LAMA2: variants seen among roughly 807,000 people sequenced by gnomAD.
LAMA2 encodes the protein laminin subunit alpha 2, also known as laminin subunit alpha-2.
LAMA2 carries 269 observed loss-of-function variants against 364.8 expected under a neutral mutation model. The ratio of observed to expected loss-of-function variants is 0.74; its 90% confidence interval spans 0.67 to 0.82. LAMA2 has a LOEUF of 0.82. LAMA2 is among the 40% of genes least tolerant of loss of function. The pLI is 0.00. For missense variants in LAMA2, 3,807 were observed against 3,873.2 expected (o/e 0.98, Z 0.45); for synonymous variants, 1,379 against 1,370.6 (o/e 1.01, Z -0.14).
intron 3 of LAMA2, among the ~76,000 whole-genome samples, chr6:129,068,703 C>T (rs553873794): frequency 1.5e-4 from 23 of 152,312 alleles, no homozygotes; most frequent in Admixed American, 3.9e-4. Context: ...CATGTTCTTA[C>T]TCTGCTTTTA....
intron 23 of LAMA2, among the ~76,000 whole-genome samples, chr6:129,313,313 A>G (rs932905895): frequency 2.6e-5 from 4 of 151,900 alleles, no homozygotes; most frequent in African/African-American, 9.7e-5. Flanking sequence ...ACCCAAACCC[A>G]CCTTTTTTTC....
chr6:129,443,379 T>C (rs1333534478), intron 44 of LAMA2, among the ~76,000 whole-genome samples: 1 of 152,164 alleles, frequency 6.6e-6, no homozygotes, highest in Non-Finnish European at 1.5e-5. Context: ...GGCCAGAAGT[T>C]TGAGATCAGC....
At chr6:129,227,316 C>T (rs1784364905) in intron 12 of LAMA2, among the ~76,000 whole-genome samples, 1 of 152,142 alleles carries the variant, frequency 6.6e-6, no homozygotes, top group Non-Finnish European at 1.5e-5. Flanking sequence ...CGTCTGAAGC[C>T]TTCTTCTCTC....
chr6:129,243,125 T>C (rs768553205), intron 12 of LAMA2, among the ~76,000 whole-genome samples: 2 of 152,110 alleles, frequency 1.3e-5, no homozygotes, highest in African/African-American at 2.4e-5. Context: ...CTCCTAATTG[T>C]CTGGTTTTCA....
chr6:129,361,945 G>A (rs1777487325), intron 32 of LAMA2, among the ~76,000 whole-genome samples: 2 of 151,684 alleles, frequency 1.3e-5, no homozygotes, highest in South Asian at 2.1e-4. Flanking sequence ...CACCACACCT[G>A]GCTAATTTTT....
intron 62 of LAMA2, among the ~76,000 whole-genome samples, chr6:129,508,763 C>A (rs938012823): frequency 6.6e-6 from 1 of 152,170 alleles, no homozygotes; most frequent in African/African-American, 2.4e-5. Flanking sequence ...TTTATCCGTT[C>A]ATCTGCTGAT....
intron 1 of LAMA2, among the ~76,000 whole-genome samples, chr6:128,928,545 A>G (rs1311996316): frequency 1.3e-5 from 2 of 152,210 alleles, no homozygotes; most frequent in African/African-American, 4.8e-5. Context: ...ATGTGCCCAT[A>G]AAGCCGTTCA....
At chr6:128,986,477 T>C (rs1783246220) in intron 1 of LAMA2, among the ~76,000 whole-genome samples, 1 of 152,216 alleles carries the variant, frequency 6.6e-6, no homozygotes, top group Non-Finnish European at 1.5e-5. Flanking sequence ...TATTCTGACA[T>C]GCCCATTTAG....
chr6:129,351,805 A>G (rs1776866880), intron 31 of LAMA2, among the ~76,000 whole-genome samples: 1 of 152,208 alleles, frequency 6.6e-6, no homozygotes, highest in Admixed American at 6.5e-5. Flanking sequence ...AAGCCATTTA[A>G]GTGGACTTAC....
At chr6:129,086,161 AT>A (rs1440414777) in intron 3 of LAMA2, among the ~76,000 whole-genome samples, 1 of 152,224 alleles carries the variant, frequency 6.6e-6, no homozygotes, top group Admixed American at 6.5e-5. Context: ...TGATTTAGAA[AT>A]ATTTAAGATT....
chr6:129,095,086 A>G (rs773560791), intron 3 of LAMA2, among the ~76,000 whole-genome samples: 1 of 152,250 alleles, frequency 6.6e-6, no homozygotes. Context: ...GAAGAATTAT[A>G]ATAAGGAATA....
chr6:129,035,276 A>G (rs999252039), intron 1 of LAMA2, among the ~76,000 whole-genome samples: 2 of 144,584 alleles, frequency 1.4e-5, no homozygotes, highest in South Asian at 2.2e-4. Flanking sequence ...GGCCACTTGT[A>G]TGTCTTTTTC....
intron 1 of LAMA2, among the ~76,000 whole-genome samples, chr6:128,978,051 A>G (rs1271656884): frequency 6.6e-6 from 1 of 152,202 alleles, no homozygotes; most frequent in Non-Finnish European, 1.5e-5. Context: ...ATTGTATAAG[A>G]GAAGATAAGT....
intron 9 of LAMA2, among the ~76,000 whole-genome samples, chr6:129,172,515 G>A (rs1011384528): frequency 1.3e-5 from 2 of 152,218 alleles, no homozygotes; most frequent in African/African-American, 4.8e-5. Context: ...ACCCACTTGA[G>A]GAGGCAGTCT....
In LAMA2 at chr6:129,283,354, G is replaced by A. The variant is rs569930230; in HGVS notation, c.2537+3207G>A. 1.0e-3 allele frequency among the ~76,000 whole-genome samples: 157 copies of A among 152,062 alleles called. 4 individuals carry two copies. The South Asian group carries it at 0.03, about 29-fold the overall frequency. On this transcript the variant is annotated intron_variant, in intron 18 of 64. Transcript: ENST00000421865. ...AAATGCTGAGGATACCTGCCTGATC[G>A]GACACTAAGTTACTTTCAGAATAAG...
chr6:128,967,545 T>C (rs902244827), intron 1 of LAMA2, among the ~76,000 whole-genome samples: 7 of 152,134 alleles, frequency 4.6e-5, no homozygotes, highest in Non-Finnish European at 1.0e-4. Context: ...GCTAAGGGGG[T>C]GACTAAAATC....
intron 4 of LAMA2, among the ~76,000 whole-genome samples, chr6:129,138,450 TA>T (rs1777930688): frequency 6.6e-6 from 1 of 152,126 alleles, no homozygotes; most frequent in South Asian, 2.1e-4. Context: ...ATTGAGTCCA[TA>T]ATCCTGTATG....
intron 8 of LAMA2, among the ~76,000 whole-genome samples, chr6:129,160,424 T>A (rs1262783668): frequency 1.3e-5 from 2 of 152,130 alleles, no homozygotes; most frequent in African/African-American, 4.8e-5. Context: ...GTCTATAGCA[T>A]CTATATAGAT....
chr6:129,156,827 T>C (rs2114980144), intron 8 of LAMA2, among the ~76,000 whole-genome samples: 1 of 152,282 alleles, frequency 6.6e-6, no homozygotes, highest in East Asian at 1.9e-4. Flanking sequence ...GTGGGGAAGC[T>C]ATCTCACTTG....
Sources: gnomAD v4.1 joint callset for allele counts (sites outside exome capture counted in the v4.1 genomes callset) on GRCh38, gnomAD v4.1.1 for gene constraint, MANE v1.5 for transcripts, NCBI Gene and HGNC (gene_info 2026-07-23, HGNC 2026-07-21) for gene names.